The following NEO1 variants were observed in gnomAD, a reference collection of about 807,000 sequenced individuals.
The protein encoded by NEO1 is neogenin.
Under a neutral mutation model 159.7 loss-of-function variants are expected in NEO1, and 63 were observed. That is an observed-to-expected ratio of 0.39 (90% confidence interval 0.32 to 0.49). The LOEUF (loss-of-function observed/expected upper bound fraction) is 0.49, where lower values mean the gene tolerates loss of function less well. Ranked by LOEUF, NEO1 falls within the 20% of genes least tolerant of loss-of-function variation. The pLI, the probability that NEO1 is intolerant of heterozygous loss-of-function variation, is 0.85. For missense variants in NEO1, 1,615 were observed against 1,831.0 expected, an observed-to-expected ratio of 0.88 and a Z score of 2.15; for synonymous variants, 633 against 662.0, an observed-to-expected ratio of 0.96 and a Z score of 0.67.
intron 4 of NEO1, among the ~76,000 whole-genome samples, chr15:73,132,881 A>G (rs1177754151): frequency 6.6e-6 from 1 of 152,158 alleles, no homozygotes; most frequent in Admixed American, 6.5e-5. Flanking sequence ...ATCAAAAGTA[A>G]TAGATGTTGA....
At chr15:73,157,462 T>G (rs1192087276) in intron 5 of NEO1, among the ~76,000 whole-genome samples, 1 of 152,168 alleles carries the variant, frequency 6.6e-6, no homozygotes, top group South Asian at 2.1e-4. Flanking sequence ...CCAGGTGAGA[T>G]CCAGGATTCA....
At chr15:73,059,543 G>T (rs894413170) in intron 1 of NEO1, among the ~76,000 whole-genome samples, 3 of 152,210 alleles carry the variant, frequency 2.0e-5, no homozygotes, top group African/African-American at 7.2e-5. Context: ...AAATAAAGAT[G>T]AATTGGACGT....
At chr15:73,275,277 A>G (rs2041355112) in intron 21 of NEO1, among the ~76,000 whole-genome samples, 2 of 152,314 alleles carry the variant, frequency 1.3e-5, no homozygotes, top group East Asian at 1.9e-4. Context: ...CTGTTACCAT[A>G]AACTTAATTC....
At chr15:73,221,387 C>CA (rs1294424989) in intron 7 of NEO1, among the ~76,000 whole-genome samples, 1 of 152,208 alleles carries the variant, frequency 6.6e-6, no homozygotes, top group Non-Finnish European at 1.5e-5. Context: ...GTCAGGGACC[C>CA]ACTTGAGGAG....
chr15:73,197,051 G>A (rs1170279381), intron 7 of NEO1, among the ~76,000 whole-genome samples: 1 of 152,034 alleles, frequency 6.6e-6, no homozygotes, highest in Non-Finnish European at 1.5e-5. Flanking sequence ...TTATCTGTCA[G>A]TTTCTAAGAA....
chr15:73,286,493 G>T (rs1191446449), intron 23 of NEO1, among the ~76,000 whole-genome samples: 1 of 151,944 alleles, frequency 6.6e-6, no homozygotes, highest in Non-Finnish European at 1.5e-5. Context: ...CTCCTTCTGT[G>T]TTCTCCCCAA....
At position 73,266,303 on chromosome 15, in the gene NEO1, TC is replaced by T; in HGVS notation, c.2399-12del. 6.3e-7 allele frequency: 1 copy of T among 1,596,114 alleles called. No homozygotes were observed. The highest frequency in any genetic ancestry group is 8.5e-7 in the Non-Finnish European group (1 of 1,170,626). On this transcript the variant is annotated splice_polypyrimidine_tract_variant and intron_variant, in intron 15 of 28. Coordinates refer to ENST00000261908, the MANE Select transcript of NEO1 (RefSeq NM_002499.4). ...AGTGAGCATTTTTTTAATGTGTGTT[TC>T]TTTTTTTTCAGATCCCAGCTCTCAC...
intron 26 of NEO1, among the ~76,000 whole-genome samples, chr15:73,294,422 G>A (rs145418419): frequency 1.8e-3 from 271 of 152,260 alleles, no homozygotes; most frequent in Non-Finnish European, 2.3e-3. Flanking sequence ...AGTTTTGCTG[G>A]TCTGGGGAAT....
intron 1 of NEO1, among the ~76,000 whole-genome samples, chr15:73,109,659 C>T (rs1303616168): frequency 2.0e-5 from 3 of 151,764 alleles, no homozygotes; most frequent in East Asian, 1.9e-4. Flanking sequence ...ATTGAATCAC[C>T]CTAGAATTTC....
intron 5 of NEO1, among the ~76,000 whole-genome samples, chr15:73,175,243 G>T (rs1463800436): frequency 2.6e-5 from 4 of 152,206 alleles, no homozygotes; most frequent in East Asian, 3.9e-4. Flanking sequence ...ATGGCCACAG[G>T]ATAAAAGGTT....
chr15:73,119,727 T>A (rs1233554212), intron 2 of NEO1, among the ~76,000 whole-genome samples: 2 of 152,232 alleles, frequency 1.3e-5, no homozygotes, highest in African/African-American at 4.8e-5. Flanking sequence ...CTTTCCCTAC[T>A]CAGAAATTTT....
At chr15:73,157,204 C>T (rs2033846486) in intron 5 of NEO1, among the ~76,000 whole-genome samples, 1 of 152,188 alleles carries the variant, frequency 6.6e-6, no homozygotes, top group African/African-American at 2.4e-5. Flanking sequence ...GGGGATACCC[C>T]AGTTTCAGTA....
intron 1 of NEO1, among the ~76,000 whole-genome samples, chr15:73,091,827 A>G (rs745310653): frequency 1.3e-5 from 2 of 148,330 alleles, no homozygotes; most frequent in African/African-American, 2.5e-5. Flanking sequence ...AGGTCTCGCT[A>G]TGTTGCCCAG....
chr15:73,122,978 G>GA (rs1414872297), intron 3 of NEO1, among the ~76,000 whole-genome samples, 178 bp downstream of exon 3: 1 of 152,038 alleles, frequency 6.6e-6, no homozygotes, highest in Non-Finnish European at 1.5e-5. Flanking sequence ...CCAACATGGC[G>GA]AAACCCCATC....
chr15:73,246,044 A>C (rs1490770174), intron 9 of NEO1, among the ~76,000 whole-genome samples: 1 of 152,240 alleles, frequency 6.6e-6, no homozygotes, highest in Admixed American at 6.5e-5. Flanking sequence ...TGACTTTACC[A>C]GTGGAACTAT....
intron 7 of NEO1, among the ~76,000 whole-genome samples, chr15:73,183,966 T>TA (rs1182727658): frequency 6.6e-6 from 1 of 152,150 alleles, no homozygotes; most frequent in Non-Finnish European, 1.5e-5. Context: ...AAATAATACT[T>TA]ACTGTTGTTC....
chr15:73,295,845 A>T (rs1467203960), intron 26 of NEO1, among the ~76,000 whole-genome samples: 1 of 152,178 alleles, frequency 6.6e-6, no homozygotes, highest in Non-Finnish European at 1.5e-5. Flanking sequence ...ACATTGGAAA[A>T]GCACTTTCCT....
chr15:73,158,513 T>C (rs1168120561), intron 5 of NEO1, among the ~76,000 whole-genome samples: 1 of 151,916 alleles, frequency 6.6e-6, no homozygotes, highest in Non-Finnish European at 1.5e-5. Flanking sequence ...TCCTCCTGCT[T>C]CAGCCTCCTG....
At chr15:73,258,980 G>T in intron 14 of NEO1, 104 bp downstream of exon 14, 1 of 859,590 alleles carries the variant, frequency 1.2e-6, no homozygotes. Context: ...GCTCAAGTCT[G>T]TGAACTTTAG....
Sources: allele counts gnomAD v4.1 joint callset (sites outside exome capture counted in the v4.1 genomes callset), GRCh38; gene constraint gnomAD v4.1.1; transcripts MANE v1.5; gene names NCBI Gene and HGNC (gene_info 2026-07-23, HGNC 2026-07-21).